Variants in ESS2 observed in about 807,000 individuals in gnomAD.
ESS2 encodes the protein splicing factor ESS-2 homolog.
In ESS2, 31 loss-of-function variants were observed where a neutral mutation model predicts 52.0. The ratio of observed to expected loss-of-function variants is 0.60; its 90% CI spans 0.45 to 0.81. The LOEUF (loss-of-function observed/expected upper bound fraction) is 0.81, where lower values mean the gene tolerates loss of function less well. ESS2 is among the 30% of genes least tolerant of loss of function. The probability of loss-of-function intolerance (pLI) is 0.00; values close to 1 mark genes in which losing one functional copy is unlikely to be tolerated. For synonymous variants in ESS2, 285 were observed against 259.2 expected, an observed-to-expected ratio of 1.10 and a Z score of -0.95; for missense variants, 602 against 637.2, an observed-to-expected ratio of 0.94 and a Z score of 0.59.
intron 3 of ESS2, among the ~76,000 whole-genome samples, chr22:19,142,150 G>A (rs1166703639): frequency 6.6e-6 from 1 of 152,192 alleles, no homozygotes; most frequent in African/African-American, 2.4e-5. Context: ...GAGATCTACA[G>A]GAAGAAACAC....
Position 19,132,842 on chromosome 22 carries a change from G to T in ESS2, c.*1354C>A, listed in dbSNP as rs1196448819. The T allele has an allele frequency of 1.8e-5, 4 of 228,150 alleles. No individual in the cohort carries two copies. The highest frequency in any genetic ancestry group is 1.0e-4 in the Admixed American group (2 of 19,330). The allele number at this position is 228,150 out of a possible 1,614,324, so 14.1% of individuals were successfully genotyped here. A position where few individuals can be genotyped will look rare whatever the true frequency, so the allele number is the denominator to read the frequency against. The stretch of plus-strand genomic sequence containing the variant: ...CACAGTGTGGCCTGGCCTTGTGGGG[G>T]ACAAGAGGGCCTCTGCCAGGGTCCA... On this transcript the variant is annotated 3_prime_UTR_variant, in exon 10 of 10. Transcript: ENST00000252137. This position sits in a 1 kb window ranked among gnomAD's most constrained non-coding sequence, Gnocchi z 4.2.
chr22:19,142,230 T>G (rs145313009), intron 3 of ESS2, among the ~76,000 whole-genome samples: 77 of 152,258 alleles, frequency 5.1e-4, no homozygotes, highest in African/African-American at 1.7e-3. Flanking sequence ...TGAGGCATCT[T>G]CAGGATAGTA....
rs1316162454 is a variant in ESS2 at position 19,138,056 on chromosome 22, C to T, written c.925+159G>A. The T allele has an allele frequency of 9.1e-6, 9 of 985,412 alleles. No individual in the cohort carries two copies. The Middle Eastern group carries it at 1.6e-3, about 172-fold the overall frequency. The allele number at this position is 985,412 out of a possible 1,614,324, so 61.0% of individuals were successfully genotyped here. A position where few individuals can be genotyped will look rare whatever the true frequency, so the allele number is the denominator to read the frequency against. On this transcript the variant is annotated intron_variant, in intron 7 of 9. Transcript: ENST00000252137. ...GGCCCCAAGCAGCCTGGACACCTGG[C>T]CTCTAGGGCCTTGTACAGACAGGAG...
In ESS2 at chr22:19,131,363, G is replaced by T; in HGVS notation, c.*2833C>A. ...TGCCTGCTGGCCCACATGACGGGGGGATGTAGACGGCAGCGGCGCCAGTCG... is the reference window on the plus strand; with the variant it reads ...TGCCTGCTGGCCCACATGACGGGGGTATGTAGACGGCAGCGGCGCCAGTCG... On this transcript the variant is annotated 3_prime_UTR_variant, in exon 10 of 10. Coordinates refer to ENST00000252137, the MANE Select transcript of ESS2 (RefSeq NM_022719.3). The surrounding 1 kb of genome is among the most constrained non-coding windows in gnomAD (Gnocchi z 5.7). 1 of 1,531,010 alleles carries T rather than the reference G, an allele frequency of 6.5e-7. No homozygotes were observed. Among genetic ancestry groups the T allele is most frequent in the Non-Finnish European group, 8.9e-7 (1 of 1,126,868 alleles). 94.8% of individuals were successfully genotyped at this position (1,531,010 alleles called of 1,614,324 possible).
chr22:19,139,824 G>A (rs2083652762), intron 4 of ESS2, 31 bp downstream of exon 4: 6 of 1,613,796 alleles, frequency 3.7e-6, no homozygotes, highest in East Asian at 2.2e-5. Flanking sequence ...GGGTGCCTAC[G>A]CCTATGTGAC....
Position 19,142,631 on chromosome 22 carries a change from C to A in ESS2, c.307G>T (p.Val103Leu). ...KMSREPPPPYVTPATFETPEV... is the reference protein window; with the variant it reads ...KMSREPPPPYLTPATFETPEV... ...GGGGTTTCAAATGTGGCTGGAGTCA[C>A]ATCTAGGGGAAGAGAGGGGGATAAG... Residue 103 changes from valine (V) to leucine (L), a missense_variant and splice_region_variant, in exon 3 of 10, where the codon GTG (valine) becomes TTG (leucine). Physicochemically the swap from Val to Leu is conservative, Grantham distance 32 (BLOSUM62 1). Transcript: ENST00000252137. 1 of 1,612,806 alleles carries A rather than the reference C, an allele frequency of 6.2e-7. No homozygotes were observed. Among genetic ancestry groups the A allele is most frequent in the South Asian group, 1.1e-5 (1 of 90,896 alleles).
At chr22:19,139,340 C>G in intron 5 of ESS2, 48 bp from the exon 6 acceptor site, 1 of 1,531,710 alleles carries the variant, frequency 6.5e-7, no homozygotes, top group Non-Finnish European at 8.8e-7. Context: ...GGGCAGCAGC[C>G]TAAGGAGCAT....
chr22:19,132,505 G>C lies in ESS2; in HGVS notation c.*1691C>G. The C allele has an allele frequency of 2.5e-6, 4 of 1,574,452 alleles. No homozygotes were observed. Among genetic ancestry groups the C allele is most frequent in the Non-Finnish European group, 3.5e-6 (4 of 1,156,934 alleles). ...GACAATGGCCCCGTTGTGTGTGGTG[G>C]GGGTCGGGGTTGGGGGGCATGGTGC... On this transcript the variant is annotated 3_prime_UTR_variant, in exon 10 of 10. Transcript: ENST00000252137. The surrounding 1 kb of genome is among the most constrained non-coding windows in gnomAD (Gnocchi z 4.2).
intron 8 of ESS2, among the ~76,000 whole-genome samples, chr22:19,135,385 C>T (rs1464849563): frequency 6.6e-6 from 1 of 152,238 alleles, no homozygotes; most frequent in Non-Finnish European, 1.5e-5. Flanking sequence ...TCTTCGTGTT[C>T]CTCCCAAAAC....
In ESS2 at chr22:19,132,573, G is replaced by A; in HGVS notation, c.*1623C>T. ...ACTAAGTAGGCAGGTAGGATCTGAA[G>A]AAGGCACAGGTGCAAGTAAAATTCG... On this transcript the variant is annotated 3_prime_UTR_variant, in exon 10 of 10. Transcript: ENST00000252137. The surrounding 1 kb of genome is among the most constrained non-coding windows in gnomAD (Gnocchi z 4.2). 3 of 1,234,322 alleles carry A rather than the reference G, an allele frequency of 2.4e-6. No homozygotes were observed. The highest frequency in any genetic ancestry group is 2.3e-6 in the Non-Finnish European group (2 of 876,756). 76.5% of individuals were successfully genotyped at this position (1,234,322 alleles called of 1,614,324 possible).
At position 19,139,297 on chromosome 22, in the gene ESS2, C is replaced by T; in HGVS notation, c.689-5G>A. 1 of 1,582,334 alleles carries T rather than the reference C, an allele frequency of 6.3e-7. No individual in the cohort carries two copies. Among genetic ancestry groups the T allele is most frequent in the Admixed American group, 1.8e-5 (1 of 56,828 alleles). ...GCTGCTCCTCGTCAGGGACACCTGG[C>T]AGACGAAGCAAAGGTAGCAGCAGGT... On this transcript the variant is annotated splice_region_variant and splice_polypyrimidine_tract_variant and intron_variant, in intron 5 of 9. Coordinates refer to ENST00000252137, the MANE Select transcript of ESS2 (RefSeq NM_022719.3).
rs1353620444 is a variant in ESS2, at chr22:19,133,850, A to C, written c.*346T>G. 3.0e-5 allele frequency: 7 copies of C among 234,922 alleles called. No individual in the cohort carries two copies. The highest frequency in any genetic ancestry group is 5.7e-5 in the Admixed American group (1 of 17,570). The allele number at this position is 234,922 out of a possible 1,614,324, so 14.6% of individuals were successfully genotyped here. The stretch of plus-strand genomic sequence containing the variant: ...CCTCACCTGGGGGGCCCCTCGCTTC[A>C]AGCCCCGCAGTCCTGAGACGTGATG... On this transcript the variant is annotated 3_prime_UTR_variant, in exon 10 of 10. Coordinates refer to ENST00000252137, the MANE Select transcript of ESS2 (RefSeq NM_022719.3).
At chr22:19,142,444 C>T in intron 3 of ESS2, 94 bp downstream of exon 3, 1 of 1,133,250 alleles carries the variant, frequency 8.8e-7, no homozygotes. Flanking sequence ...CAAGATGTGG[C>T]CTGCAGCCCT....
intron 6 of ESS2, 39 bp from the exon 7 acceptor site, chr22:19,138,356 G>T: frequency 6.3e-7 from 1 of 1,584,734 alleles, no homozygotes; most frequent in Non-Finnish European, 8.7e-7. Flanking sequence ...GGGGACCGCA[G>T]CCCACGCTCG....
chr22:19,131,603 C>T lies in ESS2; in HGVS notation c.*2593G>A, dbSNP rs761217103. On this transcript the variant is annotated 3_prime_UTR_variant, in exon 10 of 10. Transcript: ENST00000252137. The surrounding 1 kb of genome is among the most constrained non-coding windows in gnomAD (Gnocchi z 5.7). ...AGATGGACATCCTGGCAACTGTCAACCACGGCTCCATCATCAAGACTTACG... is the reference window on the plus strand; with the variant it reads ...AGATGGACATCCTGGCAACTGTCAATCACGGCTCCATCATCAAGACTTACG... 2 of 1,614,032 alleles carry T rather than the reference C, an allele frequency of 1.2e-6. No homozygotes were observed. The highest frequency in any genetic ancestry group is 4.5e-5 in the East Asian group (2 of 44,888).
At chr22:19,142,030 T>G (rs1295034289) in intron 3 of ESS2, among the ~76,000 whole-genome samples, 1 of 152,126 alleles carries the variant, frequency 6.6e-6, no homozygotes, top group Non-Finnish European at 1.5e-5. Context: ...AAATAAAATG[T>G]CTTGTGATGA....
In ESS2 at chr22:19,134,332, G is replaced by A. The variant is rs1036269035; in HGVS notation, c.1295C>T (p.Ala432Val). The A allele has an allele frequency of 8.7e-6, 14 of 1,611,306 alleles. No homozygotes were observed. In the Admixed American group the frequency reaches 1.7e-4, roughly 19 times the overall value. Reference sequence around the variant, plus strand: ...GCTTGTGGGGGTCTGCAGCCCACTGGCCGGGGTCTTGAGGTGGGTGGAGCG... The same window carrying A: ...GCTTGTGGGGGTCTGCAGCCCACTGACCGGGGTCTTGAGGTGGGTGGAGCG... ...PARSTHLKTP[A>V]SGLQTPTSTP... is the part of the protein sequence containing the mutation. The change falls in exon 10 of 10, where the codon GCC (alanine) becomes GTC (valine). Residue 432 changes from alanine (A) to valine (V), a missense_variant. By Grantham distance (64) the Ala-to-Val change is moderately conservative. Coordinates refer to ENST00000252137, the MANE Select transcript of ESS2 (RefSeq NM_022719.3).
intron 3 of ESS2, 90 bp from the exon 4 acceptor site, chr22:19,140,114 A>C: frequency 2.7e-6 from 4 of 1,466,272 alleles, no homozygotes; most frequent in Non-Finnish European, 3.7e-6. Flanking sequence ...AGCCCCCAAC[A>C]TGCAGGGCTG....
rs1022711974 is a variant in ESS2, at chr22:19,139,163, G to T, written c.818C>A (p.Ala273Asp). ...CQLQQAAALN[A>D]QHKQGKVGPD... Reference sequence around the variant, plus strand: ...CCTGCTGACCCGCCTGCTCACCTGGGCATTGAGGGCGGCTGCCTGCTGGAG... The same window carrying T: ...CCTGCTGACCCGCCTGCTCACCTGGTCATTGAGGGCGGCTGCCTGCTGGAG... The change falls in exon 6 of 10, where the codon GCC (alanine) becomes GAC (aspartate). Residue 273 changes from alanine (A) to aspartate (D), a missense_variant. Ala to Asp is a moderately radical substitution (Grantham distance 126). Coordinates refer to ENST00000252137, the MANE Select transcript of ESS2 (RefSeq NM_022719.3). 8 of 1,594,712 alleles carry T rather than the reference G, an allele frequency of 5.0e-6. No homozygotes were observed. The African/African-American group carries it at 9.4e-5, about 19-fold the overall frequency.
Sources: gnomAD v4.1 joint callset for allele counts (sites outside exome capture counted in the v4.1 genomes callset) on GRCh38, gnomAD v4.1.1 for gene constraint, Gnocchi (gnomAD v3.1) non-coding constraint, MANE v1.5 for transcripts, NCBI Gene and HGNC (gene_info 2026-07-23, HGNC 2026-07-21) for gene names.